The following SUCLA2 variants were observed in gnomAD, a reference collection of about 807,000 sequenced individuals.
The protein encoded by SUCLA2 is succinate--CoA ligase [ADP-forming] subunit beta, mitochondrial.
A neutral mutation model predicts 54.8 loss-of-function variants in SUCLA2; 30 were observed. The ratio of observed to expected loss-of-function variants is 0.55; its 90% confidence interval spans 0.41 to 0.74. SUCLA2 has a LOEUF of 0.74. Among genes scored for constraint, SUCLA2 ranks in the 30% least tolerant of loss-of-function variants. The pLI is 0.00. For synonymous variants in SUCLA2, 172 were observed against 188.9 expected, an observed-to-expected ratio of 0.91 and a Z score of 0.74; for missense variants, 476 against 562.9, an observed-to-expected ratio of 0.85 and a Z score of 1.56.
intron 10 of SUCLA2, 142 bp downstream of exon 10, chr13:47,948,798 A>C (rs1593476950): frequency 7.4e-6 from 6 of 814,626 alleles, no homozygotes; most frequent in Admixed American, 1.9e-5. Flanking sequence ...TTTCAGCAAG[A>C]GTCATGAATA....
rs1009677182 is a variant in SUCLA2 at position 47,950,135 on chromosome 13, C to A, written c.1108-532G>T. Among the ~76,000 whole-genome samples the A allele has an allele frequency of 2.6e-5, 4 of 152,156 alleles. No individual in the cohort carries two copies. In the East Asian group the frequency reaches 7.7e-4, roughly 29 times the overall value. On this transcript the variant is annotated intron_variant, in intron 8 of 10. Transcript: ENST00000646932. Reference sequence around the variant, plus strand: ...AAATACTGCCTGTAACATAGATAACCCTTATAAAGAAACAATGCCTGTAGC... The same window carrying A: ...AAATACTGCCTGTAACATAGATAACACTTATAAAGAAACAATGCCTGTAGC...
chr13:47,943,432 G>C lies in SUCLA2; in HGVS notation c.1331C>G (p.Ser444Cys). ...DEAARMVVKLSEIVTLAKQAH... is the reference protein window; with the variant it reads ...DEAARMVVKLCEIVTLAKQAH... ...TTGCTTCGCTAAGGTCACTATTTCA[G>C]AGAGCTTTACAACCTAAAAGAAAAG... The change falls in exon 11 of 11, where the codon TCT (serine) becomes TGT (cysteine). Residue 444 changes from serine (S) to cysteine (C), a missense_variant. Transcript: ENST00000646932. 6.2e-7 allele frequency: 1 copy of C among 1,613,844 alleles called. No homozygotes were observed. The highest frequency in any genetic ancestry group is 8.5e-7 in the Non-Finnish European group (1 of 1,179,838).
intron 1 of SUCLA2, among the ~76,000 whole-genome samples, chr13:47,999,638 C>T (rs924926522): frequency 2.0e-5 from 3 of 150,896 alleles, no homozygotes; most frequent in African/African-American, 7.3e-5. Context: ...ACCCGGGAGG[C>T]GGAGCTTGCA....
chr13:47,957,238 G>C (rs1315250622), intron 6 of SUCLA2, among the ~76,000 whole-genome samples: 1 of 152,122 alleles, frequency 6.6e-6, no homozygotes, highest in Non-Finnish European at 1.5e-5. Context: ...AGATGGATTT[G>C]AGACTGAGCT....
At chr13:47,960,557 A>G (rs1200058625) in intron 6 of SUCLA2, among the ~76,000 whole-genome samples, 1 of 152,214 alleles carries the variant, frequency 6.6e-6, no homozygotes, top group Admixed American at 6.5e-5. Flanking sequence ...AATGAAGAAA[A>G]ACTGTGATGT....
chr13:47,989,633 C>A (rs1440319328), intron 2 of SUCLA2, among the ~76,000 whole-genome samples: 1 of 152,168 alleles, frequency 6.6e-6, no homozygotes, highest in South Asian at 2.1e-4. Context: ...ATCAAAAGTA[C>A]AAAATTGAAT....
intron 6 of SUCLA2, among the ~76,000 whole-genome samples, chr13:47,963,418 C>T (rs1056300842): frequency 6.6e-6 from 1 of 152,014 alleles, no homozygotes; most frequent in Non-Finnish European, 1.5e-5. Context: ...CTGAAGCAGG[C>T]GGATCACCTG....
chr13:47,965,911 G>A (rs9526422), intron 6 of SUCLA2, among the ~76,000 whole-genome samples: 94,908 of 151,956 alleles, frequency 0.62, 30,591 homozygotes, highest in East Asian at 0.77. Context: ...AGCCGTATGC[G>A]GTGGTGAGCA....
chr13:47,962,858 T>C (rs1016745273), intron 6 of SUCLA2, among the ~76,000 whole-genome samples: 1 of 152,016 alleles, frequency 6.6e-6, no homozygotes, highest in Non-Finnish European at 1.5e-5. Flanking sequence ...GCTTAAAACT[T>C]AGGAGTTTTT....
chr13:47,964,442 A>G (rs1447095279), intron 6 of SUCLA2, among the ~76,000 whole-genome samples: 1 of 152,232 alleles, frequency 6.6e-6, no homozygotes, highest in Admixed American at 6.5e-5. Flanking sequence ...ATACATATAC[A>G]CACAAATAAC....
intron 2 of SUCLA2, among the ~76,000 whole-genome samples, chr13:47,990,689 G>T (rs1229130391): frequency 6.6e-6 from 1 of 152,058 alleles, no homozygotes; most frequent in Non-Finnish European, 1.5e-5. Flanking sequence ...CATAAACATG[G>T]ATTTGAACAG....
At chr13:47,966,546 A>G (rs1949919991) in intron 6 of SUCLA2, among the ~76,000 whole-genome samples, 1 of 151,110 alleles carries the variant, frequency 6.6e-6, no homozygotes, top group East Asian at 1.9e-4. Flanking sequence ...AAAAAAGGCA[A>G]AAACTGCAAT....
At chr13:47,999,565 G>A (rs1005328706) in intron 1 of SUCLA2, among the ~76,000 whole-genome samples, 1 of 152,086 alleles carries the variant, frequency 6.6e-6, no homozygotes, top group African/African-American at 2.4e-5. Context: ...AAATTAGCCG[G>A]ACGTGGTGGC....
chr13:47,977,233 T>A (rs746727428), intron 4 of SUCLA2, among the ~76,000 whole-genome samples: 10 of 151,976 alleles, frequency 6.6e-5, no homozygotes, highest in Non-Finnish European at 1.3e-4. Context: ...TTCAAAATCA[T>A]AAAGAAATAA....
At chr13:47,975,739 TA>T (rs1950006942) in intron 4 of SUCLA2, among the ~76,000 whole-genome samples, 1 of 152,228 alleles carries the variant, frequency 6.6e-6, no homozygotes, top group African/African-American at 2.4e-5. Context: ...AAGTAACTTC[TA>T]AACCCTCCAA....
At chr13:47,949,373 T>C (rs887913861) in intron 9 of SUCLA2, 110 bp downstream of exon 9, 52 of 1,277,170 alleles carry the variant, frequency 4.1e-5, no homozygotes, top group Non-Finnish European at 5.9e-5. Context: ...TATTGTATAA[T>C]GCTTTCAAAG....
chr13:47,972,449 A>T (rs1949974917), intron 5 of SUCLA2, among the ~76,000 whole-genome samples: 1 of 151,880 alleles, frequency 6.6e-6, no homozygotes, highest in African/African-American at 2.4e-5. Context: ...CGGGTGGATC[A>T]CCTGAGGTCA....
At chr13:47,992,388 C>CAAAAAA (rs35103136) in intron 2 of SUCLA2, among the ~76,000 whole-genome samples, 1 of 93,078 alleles carries the variant, frequency 1.1e-5, no homozygotes, top group African/African-American at 4.2e-5. Flanking sequence ...ACAACGAAAG[C>CAAAAAA]AAAAAAAAAA....
Position 47,964,685 on chromosome 13 carries a change from G to A in SUCLA2, c.802+3910C>T, listed in dbSNP as rs7324966. 5.2e-3 allele frequency among the ~76,000 whole-genome samples: 791 copies of A among 151,958 alleles called. 4 individuals carry two copies. Among genetic ancestry groups the A allele is most frequent in the African/African-American group, 0.012 (504 of 41,440 alleles). On this transcript the variant is annotated intron_variant, in intron 6 of 10. Transcript: ENST00000646932. ...ATCCTGGCTAACACGGTGAAACCCC[G>A]TCTCTACTAAAAATACAAAAAATTA...
Sources: gnomAD v4.1 joint callset for allele counts (sites outside exome capture counted in the v4.1 genomes callset) on GRCh38, gnomAD v4.1.1 for gene constraint, MANE v1.5 for transcripts, NCBI Gene and HGNC (gene_info 2026-07-23, HGNC 2026-07-21) for gene names.